CSMD2: variants seen among roughly 807,000 people sequenced by gnomAD.
CSMD2 encodes CUB and Sushi multiple domains 2, also known as CUB and sushi domain-containing protein 2.
CSMD2 carries 130 observed loss-of-function variants against 398.5 expected under a neutral mutation model. The observed-to-expected ratio is 0.33, with a 90% CI of 0.28 to 0.38. The LOEUF is 0.38. Among genes scored for constraint, CSMD2 ranks in the 10% least tolerant of loss-of-function variants. CSMD2 has a pLI of 1.00. For missense variants in CSMD2, 3,829 were observed against 4,764.9 expected (o/e 0.80, Z 5.78); for synonymous variants, 1,828 against 1,908.5 (o/e 0.96, Z 1.10).
intron 53 of CSMD2, among the ~76,000 whole-genome samples, chr1:33,564,163 T>C (rs779401053): frequency 3.3e-5 from 5 of 152,162 alleles, no homozygotes; most frequent in Admixed American, 6.5e-5. Flanking sequence ...TCTAACTATC[T>C]TATGTGTATT....
chr1:33,590,294 ATTTTTTT>A (rs56252015), intron 44 of CSMD2, among the ~76,000 whole-genome samples: 52 of 73,844 alleles, frequency 7.0e-4, no homozygotes, highest in African/African-American at 2.3e-3. Flanking sequence ...GCTAATTAAA[ATTTTTTT>A]TTTTTTTTTT....
intron 41 of CSMD2, among the ~76,000 whole-genome samples, chr1:33,608,011 A>G (rs1640741450): frequency 6.6e-6 from 1 of 152,182 alleles, no homozygotes; most frequent in African/African-American, 2.4e-5. Flanking sequence ...AGTGGGAGAG[A>G]CAGGCCCATC....
chr1:33,944,237 C>A (rs1043644188), intron 3 of CSMD2, among the ~76,000 whole-genome samples: 3 of 152,008 alleles, frequency 2.0e-5, no homozygotes, highest in African/African-American at 7.3e-5. Flanking sequence ...AACGCCCCCC[C>A]CCCAACTCCT....
chr1:33,753,176 A>G (rs1308696431), intron 13 of CSMD2, among the ~76,000 whole-genome samples: 1 of 152,248 alleles, frequency 6.6e-6, no homozygotes, highest in South Asian at 2.1e-4. Flanking sequence ...AAAGGGAGCC[A>G]AGTGCTAACA....
At chr1:33,546,466 T>C (rs1656905588) in intron 56 of CSMD2, among the ~76,000 whole-genome samples, 1 of 152,156 alleles carries the variant, frequency 6.6e-6, no homozygotes, top group South Asian at 2.1e-4. Flanking sequence ...GAGGAAAGGC[T>C]CTGTGGCCCG....
In CSMD2 at chr1:33,601,797, T is replaced by C. The variant is rs12038398; in HGVS notation, c.6710+572A>G. On this transcript the variant is annotated intron_variant, in intron 43 of 70. Coordinates refer to ENST00000373381, the MANE Select transcript of CSMD2 (RefSeq NM_001281956.2). The stretch of plus-strand genomic sequence containing the variant: ...CAATTCAGCCACTGCCAGCCACACA[T>C]GGCTATTTACATTTAAATTATCAAG... 0.018 allele frequency among the ~76,000 whole-genome samples: 2,708 copies of C among 152,338 alleles called. 130 individuals carry two copies. In the East Asian group the frequency reaches 0.21, roughly 12 times the overall value.
intron 25 of CSMD2, 151 bp from the exon 26 acceptor site, chr1:33,663,243 C>T (rs2149001882): frequency 7.8e-6 from 5 of 639,754 alleles, no homozygotes; most frequent in Non-Finnish European, 1.3e-5. Flanking sequence ...AAGGCAGCGT[C>T]TGGCAGCATC....
chr1:33,595,870 A>G (rs1353650751), intron 44 of CSMD2, among the ~76,000 whole-genome samples: 1 of 152,206 alleles, frequency 6.6e-6, no homozygotes, highest in Non-Finnish European at 1.5e-5. Flanking sequence ...GCTCATTACT[A>G]TTGAAGAATC....
chr1:33,565,589 C>T (rs1232623875), intron 53 of CSMD2, among the ~76,000 whole-genome samples: 2 of 151,906 alleles, frequency 1.3e-5, no homozygotes, highest in African/African-American at 4.8e-5. Flanking sequence ...CACACTAAAG[C>T]CATAAAATGA....
At chr1:33,779,616 G>T (rs562539693) in intron 12 of CSMD2, among the ~76,000 whole-genome samples, 1 of 152,242 alleles carries the variant, frequency 6.6e-6, no homozygotes, top group South Asian at 2.1e-4. Flanking sequence ...CCTTTGCTTT[G>T]TCTACCAGAC....
chr1:33,844,427 A>T (rs1245613162), intron 6 of CSMD2, among the ~76,000 whole-genome samples: 1 of 152,250 alleles, frequency 6.6e-6, no homozygotes, highest in East Asian at 1.9e-4. Context: ...AGAATTATCC[A>T]GCTCACAATG....
At position 33,646,838 on chromosome 1, in the gene CSMD2, G is replaced by A; in HGVS notation, c.4587-3C>T. Reference sequence around the variant, plus strand: ...CATAGCCAGGCTCCAGGTTAAAGCTGGGGAACAAAAACATCCCACCCCCAC... The same window carrying A: ...CATAGCCAGGCTCCAGGTTAAAGCTAGGGAACAAAAACATCCCACCCCCAC... On this transcript the variant is annotated splice_region_variant and splice_polypyrimidine_tract_variant and intron_variant, in intron 28 of 70. Transcript: ENST00000373381. 1 of 1,606,590 alleles carries A rather than the reference G, an allele frequency of 6.2e-7. No homozygotes were observed. The highest frequency in any genetic ancestry group is 1.7e-4 in the Middle Eastern group (1 of 6,052).
In CSMD2 at chr1:33,636,589, C is replaced by A; in HGVS notation, c.4775-35G>T. The A allele has an allele frequency of 6.3e-7, 1 of 1,586,384 alleles. No individual in the cohort carries two copies. The highest frequency in any genetic ancestry group is 8.6e-7 in the Non-Finnish European group (1 of 1,157,164). On this transcript the variant is annotated intron_variant, in intron 29 of 70. Transcript: ENST00000373381. This position sits in a 1 kb window ranked among gnomAD's most constrained non-coding sequence, Gnocchi z 4.8. ...AGAAATACAAACACGTGCACACACA[C>A]AGAGGGCTCATGAGGAGGCTATTCT... is the stretch of plus-strand genomic sequence containing the variant.
At chr1:33,716,160 G>T in intron 20 of CSMD2, 126 bp downstream of exon 20, 1 of 782,622 alleles carries the variant, frequency 1.3e-6, no homozygotes. Context: ...AAGCACTAAG[G>T]TCAACTTCCC....
chr1:33,893,029 A>T (rs1017924070), intron 5 of CSMD2, among the ~76,000 whole-genome samples: 15 of 152,346 alleles, frequency 9.8e-5, no homozygotes, highest in African/African-American at 3.6e-4. Context: ...ATTTCCTAGC[A>T]TAATAGTATC....
At chr1:33,668,260 T>C (rs1212882449) in intron 25 of CSMD2, among the ~76,000 whole-genome samples, 1 of 152,118 alleles carries the variant, frequency 6.6e-6, no homozygotes, top group African/African-American at 2.4e-5. Context: ...GTGTGTACTA[T>C]AGGAGCTGAG....
chr1:33,532,118 C>T (rs1175601535), intron 64 of CSMD2, among the ~76,000 whole-genome samples: 1 of 152,206 alleles, frequency 6.6e-6, no homozygotes, highest in African/African-American at 2.4e-5. Flanking sequence ...ACCCTGAAGG[C>T]TTCCCTCTGA....
At chr1:34,076,907 A>G (rs1656395632) in intron 2 of CSMD2, among the ~76,000 whole-genome samples, 1 of 86,428 alleles carries the variant, frequency 1.2e-5, no homozygotes, top group Non-Finnish European at 2.2e-5. Flanking sequence ...GTTACAGCAA[A>G]GCAAAAAAAA....
chr1:33,649,954 C>T (rs1007432601), intron 28 of CSMD2, among the ~76,000 whole-genome samples: 2 of 152,308 alleles, frequency 1.3e-5, no homozygotes. Flanking sequence ...CACCTGGCAC[C>T]TTGTCACACT....
Sources: allele counts gnomAD v4.1 joint callset (sites outside exome capture counted in the v4.1 genomes callset), GRCh38; gene constraint gnomAD v4.1.1; non-coding constraint Gnocchi (gnomAD v3.1); transcripts MANE v1.5; gene names NCBI Gene and HGNC (gene_info 2026-07-23, HGNC 2026-07-21).